The following KANSL2 variants were observed in gnomAD, a reference collection of about 807,000 sequenced individuals.
KANSL2 encodes the protein KAT8 regulatory NSL complex subunit 2.
KANSL2 carries 34 observed loss-of-function variants against 55.6 expected under a neutral mutation model. That is an observed-to-expected ratio of 0.61 (90% CI 0.46 to 0.81). The LOEUF (loss-of-function observed/expected upper bound fraction) is 0.81, where lower values mean the gene tolerates loss of function less well. KANSL2 is among the 40% of genes least tolerant of loss of function. The pLI, the probability that KANSL2 is intolerant of heterozygous loss-of-function variation, is 0.00. For synonymous variants in KANSL2, 209 were observed against 214.3 expected (o/e 0.98, Z 0.22); for missense variants, 502 against 609.9 (o/e 0.82, Z 1.86).
intron 7 of KANSL2, among the ~76,000 whole-genome samples, chr12:48,663,517 AT>A (rs1939527067): frequency 6.6e-6 from 1 of 152,110 alleles, no homozygotes; most frequent in Admixed American, 6.5e-5. Context: ...TTACACGTGC[AT>A]TTTCTTCTGC....
chr12:48,658,180 G>A (rs574414025), intron 8 of KANSL2, among the ~76,000 whole-genome samples: 2 of 152,182 alleles, frequency 1.3e-5, no homozygotes, highest in African/African-American at 2.4e-5. Flanking sequence ...GCAGTGAGCC[G>A]AGATCACGCC....
At position 48,674,974 on chromosome 12, in the gene KANSL2, A is replaced by T. The variant is rs547777471; in HGVS notation, c.546-3012T>A. Among the ~76,000 whole-genome samples, 29 of 148,908 alleles carry T rather than the reference A, an allele frequency of 1.9e-4. 1 individual carries two copies. The South Asian group carries it at 6.0e-3, about 31-fold the overall frequency. On this transcript the variant is annotated intron_variant, in intron 4 of 9. Coordinates refer to ENST00000420613, the MANE Select transcript of KANSL2 (RefSeq NM_017822.4). ...TAAACAAATTAAATAAATAAATAAA[A>T]ATAATATATAATAAAATAAAATTAA... is the stretch of plus-strand genomic sequence containing the variant.
chr12:48,653,942 A>AAGGTAGTCTGGGTTGCCTGTGTTTTGTG lies in KANSL2; in HGVS notation c.*74_*101dup. The stretch of plus-strand genomic sequence containing the variant: ...ATAATACTCAATCCAGAAGAAAAAC[A>AAGGTAGTCTGGGTTGCCTGTGTTTTGTG]AGGTAGTCTGGGTTGCCTGTGTTTT... On this transcript the variant is annotated 3_prime_UTR_variant, in exon 10 of 10. Transcript: ENST00000420613. The AAGGTAGTCTGGGTTGCCTGTGTTTTGTG allele has an allele frequency of 8.0e-7, 1 of 1,252,286 alleles. No individual in the cohort carries two copies. The allele number at this position is 1,252,286 out of a possible 1,614,324, so 77.6% of individuals were successfully genotyped here.
intron 5 of KANSL2, among the ~76,000 whole-genome samples, chr12:48,671,351 A>T (rs1284170777): frequency 6.6e-6 from 1 of 151,984 alleles, no homozygotes; most frequent in East Asian, 1.9e-4. Context: ...CTTTTTTTAT[A>T]AATTTAGTAC....
At chr12:48,678,132 C>T (rs1014788644) in intron 4 of KANSL2, among the ~76,000 whole-genome samples, 1 of 152,226 alleles carries the variant, frequency 6.6e-6, no homozygotes, top group East Asian at 1.9e-4. Context: ...AGAACAAAAG[C>T]CCAATAGTCA....
chr12:48,672,411 A>ATGTG (rs1555155439), intron 4 of KANSL2, among the ~76,000 whole-genome samples: 1 of 102,164 alleles, frequency 9.8e-6, no homozygotes, highest in African/African-American at 4.0e-5. Context: ...ATATATACGT[A>ATGTG]TATATATATA....
At position 48,667,738 on chromosome 12, in the gene KANSL2, G is replaced by A. The variant is rs1041614958; in HGVS notation, c.928C>T (p.Arg310Cys). Reference sequence around the variant, plus strand: ...ATTGGAAGAGACTGATTGGAACAACGAACATCATCCACAAAGGCCAAGCAC... The same window carrying A: ...ATTGGAAGAGACTGATTGGAACAACAAACATCATCCACAAAGGCCAAGCAC... Reference protein sequence around the residue: ...QRCLAFVDDVRCSNQSLPMTR... With the variant: ...QRCLAFVDDVCCSNQSLPMTR... The change falls in exon 7 of 10, where the codon CGT becomes TGT. Residue 310 changes from arginine to cysteine, a missense_variant. Transcript: ENST00000420613. 8 of 1,613,836 alleles carry A rather than the reference G, an allele frequency of 5.0e-6. No individual in the cohort carries two copies. The highest frequency in any genetic ancestry group is 3.3e-5 in the South Asian group (3 of 91,060).
intron 4 of KANSL2, among the ~76,000 whole-genome samples, chr12:48,675,161 C>G (rs1012248512): frequency 2.6e-5 from 4 of 151,686 alleles, no homozygotes; most frequent in Non-Finnish European, 5.9e-5. Context: ...TTTGGGAGAC[C>G]GAGGTGGGCA....
chr12:48,665,477 C>T (rs1317529126), intron 7 of KANSL2, among the ~76,000 whole-genome samples: 6 of 152,196 alleles, frequency 3.9e-5, no homozygotes, highest in African/African-American at 4.8e-5. Flanking sequence ...GCAGGAGAAT[C>T]GCTTGTACCC....
rs748670604 is a variant in KANSL2 at position 48,654,149 on chromosome 12, C to A, written c.1374G>T (p.Gly458=). The A allele has an allele frequency of 5.0e-6, 8 of 1,610,706 alleles. No homozygotes were observed. Among genetic ancestry groups the A allele is most frequent in the Middle Eastern group, 1.7e-4 (1 of 6,060 alleles). The change falls in exon 10 of 10, where the codon GGG becomes GGT. Residue 458 remains glycine (G), a synonymous_variant. Transcript: ENST00000420613. ...AATTTCGAGATCCCTGGGATCTGCACCCATCTCCAGCCATCTGCATCTGGC... is the reference window on the plus strand; with the variant it reads ...AATTTCGAGATCCCTGGGATCTGCAACCATCTCCAGCCATCTGCATCTGGC... ...ILGQMQMAGD[G]CRSQGSRNSE...
chr12:48,679,418 G>A (rs1939881430), intron 3 of KANSL2, among the ~76,000 whole-genome samples: 1 of 152,050 alleles, frequency 6.6e-6, no homozygotes, highest in South Asian at 2.1e-4. Flanking sequence ...ACCTAACAAA[G>A]CTGCTGAGCA....
chr12:48,673,484 C>T (rs1014586033), intron 4 of KANSL2, among the ~76,000 whole-genome samples: 10 of 150,962 alleles, frequency 6.6e-5, no homozygotes, highest in African/African-American at 2.2e-4. Context: ...TGCTTGAACC[C>T]GGGAGGCAGA....
In KANSL2 at chr12:48,654,032, T is replaced by A; in HGVS notation, c.*12A>T. 6.4e-7 allele frequency: 1 copy of A among 1,564,664 alleles called. No homozygotes were observed. Among genetic ancestry groups the A allele is most frequent in the South Asian group, 1.2e-5 (1 of 83,760 alleles). ...ATTTAAATCCACCAAAGTAAAATGG[T>A]TCCCCAAACTATCAACTAATAGAAG... On this transcript the variant is annotated 3_prime_UTR_variant, in exon 10 of 10. Coordinates refer to ENST00000420613, the MANE Select transcript of KANSL2 (RefSeq NM_017822.4).
At chr12:48,654,672 C>T in intron 9 of KANSL2, 2 of 530,378 alleles carry the variant, frequency 3.8e-6, no homozygotes, top group Non-Finnish European at 7.1e-6. Context: ...AAATGTATGT[C>T]CTACTCTGGG....
intron 7 of KANSL2, among the ~76,000 whole-genome samples, chr12:48,663,802 C>T (rs1193880261): frequency 6.6e-6 from 1 of 151,006 alleles, no homozygotes; most frequent in Non-Finnish European, 1.5e-5. Flanking sequence ...TTGGGAGAAT[C>T]AAAAATTATA....
At chr12:48,669,619 G>A (rs1049235152) in intron 5 of KANSL2, among the ~76,000 whole-genome samples, 2 of 151,486 alleles carry the variant, frequency 1.3e-5, no homozygotes, top group African/African-American at 2.4e-5. Flanking sequence ...CCAGGTTCAC[G>A]CCATTCTCCT....
At chr12:48,655,138 A>G (rs1939352585) in intron 8 of KANSL2, 78 bp from the exon 9 acceptor site, 8 of 1,407,252 alleles carry the variant, frequency 5.7e-6, no homozygotes, top group Non-Finnish European at 7.8e-6. Flanking sequence ...GCAAACTTTA[A>G]AGCAATACTC....
rs553500532 is a variant in KANSL2, at chr12:48,681,591, C to T, written c.42G>A (p.Gly14=). The stretch of plus-strand genomic sequence containing the variant: ...GAGACCTGGGCACTGGAGTGATCCT[C>T]CCCCGATTGGTTGGCAAGACGTGAA... The part of the protein sequence containing the change: ...IRIHVLPTNR[G]RITPVPRSQE... The change falls in exon 2 of 10, where the codon GGG becomes GGA. Residue 14 remains glycine (G), a synonymous_variant. Coordinates refer to ENST00000420613, the MANE Select transcript of KANSL2 (RefSeq NM_017822.4). 5.0e-6 allele frequency: 8 copies of T among 1,613,964 alleles called. No individual in the cohort carries two copies. The East Asian group carries it at 1.8e-4, about 36-fold the overall frequency.
At chr12:48,656,359 C>T (rs1160717879) in intron 8 of KANSL2, among the ~76,000 whole-genome samples, 5 of 151,294 alleles carry the variant, frequency 3.3e-5, no homozygotes, top group Admixed American at 3.3e-4. Context: ...CTGCAACCTC[C>T]GCCTCCTGGG....
Sources: gnomAD v4.1 joint callset for allele counts (sites outside exome capture counted in the v4.1 genomes callset) on GRCh38, gnomAD v4.1.1 for gene constraint, MANE v1.5 for transcripts, NCBI Gene and HGNC (gene_info 2026-07-23, HGNC 2026-07-21) for gene names.